FAM20C: variants seen among roughly 807,000 people sequenced by gnomAD.
FAM20C encodes the protein extracellular serine/threonine protein kinase FAM20C.
A neutral mutation model predicts 51.5 loss-of-function variants in FAM20C; 40 were observed. The ratio of observed to expected loss-of-function variants is 0.78; its 90% CI spans 0.60 to 1.01. The LOEUF is 1.01. Among genes scored for constraint, FAM20C ranks in the 50% least tolerant of loss-of-function variants. The pLI, the probability that FAM20C is intolerant of heterozygous loss-of-function variation, is 0.00. For missense variants in FAM20C, 861 were observed against 844.7 expected, an observed-to-expected ratio of 1.02 and a Z score of -0.24; for synonymous variants, 406 against 380.6, an observed-to-expected ratio of 1.07 and a Z score of -0.78.
In FAM20C at chr7:208,892, C is replaced by T. The variant is rs1490699972; in HGVS notation, c.785-6C>T. Reference sequence around the variant, plus strand: ...GTGACCCTGTTTCTCTCCCTCCTTCCTGCAGCCATGAAGTCGGGGGGCACG... The same window carrying T: ...GTGACCCTGTTTCTCTCCCTCCTTCTTGCAGCCATGAAGTCGGGGGGCACG... On this transcript the variant is annotated splice_region_variant and splice_polypyrimidine_tract_variant and intron_variant, in intron 2 of 9. Coordinates refer to ENST00000313766, the MANE Select transcript of FAM20C (RefSeq NM_020223.4). The T allele has an allele frequency of 1.9e-6, 3 of 1,567,682 alleles. No homozygotes were observed. The Admixed American group carries it at 5.7e-5, about 30-fold the overall frequency.
intron 1 of FAM20C, chr7:194,025 T>A: frequency 1.5e-6 from 1 of 650,934 alleles, no homozygotes; most frequent in Non-Finnish European, 2.3e-6. Context: ...CTGTGCCCTG[T>A]GGCTGCTGGT....
chr7:258,625 A>AT (rs1562402272), intron 8 of FAM20C, 21 bp from the exon 9 acceptor site: 1 of 1,536,666 alleles, frequency 6.5e-7, no homozygotes. Context: ...GCCCTTGACA[A>AT]TTCTGCTTTT....
At position 257,059 on chromosome 7, in the gene FAM20C, T is replaced by A. The variant is rs1452119420; in HGVS notation, c.1418T>A (p.Phe473Tyr). The change falls in exon 8 of 10, where the codon TTC becomes TAC. Residue 473 changes from phenylalanine to tyrosine, a missense_variant. Physicochemically the swap from Phe to Tyr is conservative, Grantham distance 22. Transcript: ENST00000313766. Reference sequence around the variant, plus strand: ...TTTGAGAAGTTTGGGAATGAAACGTTCATCATCCACTTAGACAATGGAAGA... The same window carrying A: ...TTTGAGAAGTTTGGGAATGAAACGTACATCATCCACTTAGACAATGGAAGA... Reference protein sequence around the residue: ...ETFEKFGNETFIIHLDNGRGF... With the variant: ...ETFEKFGNETYIIHLDNGRGF... 3 of 1,536,952 alleles carry A rather than the reference T, an allele frequency of 2.0e-6. No individual in the cohort carries two copies. The highest frequency in any genetic ancestry group is 2.7e-5 in the African/African-American group (2 of 73,016).
rs1281044615 is a variant in FAM20C, at chr7:234,413, TG to T, written c.864-11996del. On this transcript the variant is annotated intron_variant, in intron 3 of 9. Transcript: ENST00000313766. The stretch of plus-strand genomic sequence containing the variant: ...CTTGATCTCGCCTCACAGGCAGTGG[TG>T]GGGGGTCCCAGGCCCCGACCACTCC... Among the ~76,000 whole-genome samples, 722 of 152,202 alleles carry T rather than the reference TG, an allele frequency of 4.7e-3. 9 individuals carry two copies. Among genetic ancestry groups the T allele is most frequent in the African/African-American group, 0.016 (676 of 41,508 alleles).
intron 2 of FAM20C, among the ~76,000 whole-genome samples, chr7:206,467 G>T (rs917259127): frequency 6.6e-6 from 1 of 151,914 alleles, no homozygotes; most frequent in African/African-American, 2.4e-5. Context: ...ACTGTGATGC[G>T]TTGGCCCTGG....
At chr7:247,000 A>G (rs1250760698) in intron 4 of FAM20C, among the ~76,000 whole-genome samples, 3 of 152,154 alleles carry the variant, frequency 2.0e-5, no homozygotes, top group African/African-American at 2.4e-5. Context: ...GCGGTCGGTA[A>G]TAGAGGAAAA....
intron 3 of FAM20C, among the ~76,000 whole-genome samples, chr7:218,939 C>T (rs1263866706): frequency 6.6e-6 from 1 of 152,112 alleles, no homozygotes; most frequent in Admixed American, 6.5e-5. Flanking sequence ...GGAGCTGACA[C>T]GGGCCCAGGA....
chr7:195,347 C>T (rs1253339868), intron 1 of FAM20C: 3 of 451,206 alleles, frequency 6.6e-6, no homozygotes, highest in South Asian at 5.9e-5. Flanking sequence ...AATTACAGGC[C>T]TTTCACCGTG....
At chr7:254,550 T>C (rs952870387) in intron 5 of FAM20C, among the ~76,000 whole-genome samples, 3 of 152,266 alleles carry the variant, frequency 2.0e-5, no homozygotes, top group African/African-American at 7.2e-5. Flanking sequence ...CCCGCACTGC[T>C]AGCGGGCCTG....
At chr7:233,088 C>T (rs899325744) in intron 3 of FAM20C, among the ~76,000 whole-genome samples, 1 of 152,200 alleles carries the variant, frequency 6.6e-6, no homozygotes, top group Non-Finnish European at 1.5e-5. Flanking sequence ...ATGTTCTGGC[C>T]GTGCGATTCT....
In FAM20C at chr7:242,368, G is replaced by C. The variant is rs964790073; in HGVS notation, c.864-4047G>C. On this transcript the variant is annotated intron_variant, in intron 3 of 9. Coordinates refer to ENST00000313766, the MANE Select transcript of FAM20C (RefSeq NM_020223.4). ...CTTCTGCAGGCCTTGTGTGTACAGG[G>C]CAAGGGGCGTCCGCAGGACGGAACG... is the stretch of plus-strand genomic sequence containing the variant. Among the ~76,000 whole-genome samples, 5 of 152,268 alleles carry C rather than the reference G, an allele frequency of 3.3e-5. No individual in the cohort carries two copies. The East Asian group carries it at 9.7e-4, about 29-fold the overall frequency.
At chr7:204,235 G>C (rs112257351) in intron 2 of FAM20C, among the ~76,000 whole-genome samples, 9 of 152,202 alleles carry the variant, frequency 5.9e-5, no homozygotes, top group African/African-American at 1.7e-4. Flanking sequence ...CCCGGTACCC[G>C]GTGAGAAGCC....
chr7:237,115 C>T (rs1787872939), intron 3 of FAM20C, among the ~76,000 whole-genome samples: 2 of 152,184 alleles, frequency 1.3e-5, no homozygotes, highest in African/African-American at 4.8e-5. Flanking sequence ...TGCCTCGGGG[C>T]TGGGAATAGA....
chr7:258,872 T>G (rs1323320604), intron 9 of FAM20C, among the ~76,000 whole-genome samples, 167 bp downstream of exon 9: 2 of 151,552 alleles, frequency 1.3e-5, no homozygotes, highest in African/African-American at 4.9e-5. Flanking sequence ...CTCGGCGGCC[T>G]GGAGGCGCAG....
rs1464883594 is a variant in FAM20C at position 230,381 on chromosome 7, G to GC, written c.864-16034_864-16033insC. On this transcript the variant is annotated intron_variant, in intron 3 of 9. Coordinates refer to ENST00000313766, the MANE Select transcript of FAM20C (RefSeq NM_020223.4). ...TGTCCCCAGGACGGGGTGGGGGGGGGGGGGAACAGATCCCCGTGGCTTAAA... is the reference window on the plus strand; with the variant it reads ...TGTCCCCAGGACGGGGTGGGGGGGGGCGGGGAACAGATCCCCGTGGCTTAAA... Among the ~76,000 whole-genome samples, 4 of 105,462 alleles carry GC rather than the reference G, an allele frequency of 3.8e-5. 1 individual carries two copies. The highest frequency in any genetic ancestry group is 9.1e-5 in the Admixed American group (1 of 11,016). The allele number at this position is 105,462 out of a possible 152,430, so 69.2% of individuals were successfully genotyped here.
intron 8 of FAM20C, among the ~76,000 whole-genome samples, chr7:258,121 TAG>T (rs1788690652): frequency 7.3e-6 from 1 of 137,724 alleles, no homozygotes; most frequent in African/African-American, 2.8e-5. Context: ...GTGTTGGAGA[TAG>T]GCGGGGTGGA....
At chr7:253,950 C>T (rs546812161) in intron 5 of FAM20C, among the ~76,000 whole-genome samples, 1 of 152,240 alleles carries the variant, frequency 6.6e-6, no homozygotes, top group Admixed American at 6.5e-5. Flanking sequence ...GGGGCTGCCT[C>T]GTCCGACTGT....
At position 245,614 on chromosome 7, in the gene FAM20C, G is replaced by C. The variant is rs774090330; in HGVS notation, c.864-801G>C. Among the ~76,000 whole-genome samples, 52 of 152,204 alleles carry C rather than the reference G, an allele frequency of 3.4e-4. 1 individual carries two copies. The highest frequency in any genetic ancestry group is 3.9e-4 in the Admixed American group (6 of 15,282). Reference sequence around the variant, plus strand: ...CATGCTTACACGCTTACACGCTTACGCGCTTACACACTTATGCTCAGACAC... The same window carrying C: ...CATGCTTACACGCTTACACGCTTACCCGCTTACACACTTATGCTCAGACAC... On this transcript the variant is annotated intron_variant, in intron 3 of 9. Coordinates refer to ENST00000313766, the MANE Select transcript of FAM20C (RefSeq NM_020223.4).
intron 5 of FAM20C, among the ~76,000 whole-genome samples, chr7:250,963 C>T (rs1367563064): frequency 6.6e-6 from 1 of 152,240 alleles, no homozygotes; most frequent in Non-Finnish European, 1.5e-5. Flanking sequence ...ACCAAGCTCT[C>T]GGTTCAGGAC....
Sources: gnomAD v4.1 joint callset for allele counts (sites outside exome capture counted in the v4.1 genomes callset) on GRCh38, gnomAD v4.1.1 for gene constraint, MANE v1.5 for transcripts, NCBI Gene and HGNC (gene_info 2026-07-23, HGNC 2026-07-21) for gene names.